The following SOX5 variants were observed in gnomAD, a reference collection of about 807,000 sequenced individuals.
The protein encoded by SOX5 is transcription factor SOX-5.
SOX5 carries 9 observed loss-of-function variants against 92.0 expected under a neutral mutation model. The observed-to-expected ratio is 0.10, with a 90% CI of 0.06 to 0.17. SOX5 has a LOEUF of 0.17. Ranked by LOEUF, SOX5 falls within the 10% of genes least tolerant of loss-of-function variation. The pLI is 1.00. For missense variants in SOX5, 642 were observed against 944.5 expected (o/e 0.68, Z 4.20); for synonymous variants, 344 against 336.3 (o/e 1.02, Z -0.25).
chr12:24,527,843 T>G (rs1371717922), intron 1 of SOX5, among the ~76,000 whole-genome samples: 1 of 152,218 alleles, frequency 6.6e-6, no homozygotes, highest in Non-Finnish European at 1.5e-5. Context: ...CAAAAACACT[T>G]TTTTCTTTAA....
chr12:23,918,921 AAAAGAAAAAAAAAG>A lies in SOX5; in HGVS notation c.39-22911_39-22898del, dbSNP rs1375695945. On this transcript the variant is annotated intron_variant, in intron 1 of 14. Transcript: ENST00000451604. ...AACATAGCAAGACTCCATTTCAAAA[AAAAGAAAAAAAAAG>A]AAAGAAAGAAAAATGGCCCCCAATT... 1.5e-4 allele frequency among the ~76,000 whole-genome samples: 23 copies of A among 150,622 alleles called. 1 individual carries two copies. In the South Asian group the frequency reaches 4.4e-3, roughly 28 times the overall value.
intron 6 of SOX5, among the ~76,000 whole-genome samples, chr12:23,667,570 G>A (rs2084019897): frequency 6.6e-6 from 1 of 152,122 alleles, no homozygotes; most frequent in African/African-American, 2.4e-5. Context: ...ACATGCTAAT[G>A]AGGAAATAAG....
intron 4 of SOX5, among the ~76,000 whole-genome samples, chr12:23,964,249 G>A (rs192477445): frequency 3.9e-5 from 6 of 151,990 alleles, no homozygotes; most frequent in East Asian, 3.9e-4. Flanking sequence ...AAAATGCCTC[G>A]TTGTAATTAT....
chr12:24,066,956 G>T (rs1312680648), intron 4 of SOX5, among the ~76,000 whole-genome samples: 1 of 152,156 alleles, frequency 6.6e-6, no homozygotes, highest in Non-Finnish European at 1.5e-5. Flanking sequence ...AAGGAAAAGA[G>T]TCACTTTCTG....
At chr12:24,341,306 G>A (rs927112199) in intron 2 of SOX5, among the ~76,000 whole-genome samples, 3 of 152,094 alleles carry the variant, frequency 2.0e-5, no homozygotes, top group Non-Finnish European at 4.4e-5. Context: ...GGGAGACCCT[G>A]TCTCTATAAA....
At chr12:24,292,091 G>A (rs1341651684) in intron 2 of SOX5, among the ~76,000 whole-genome samples, 3 of 152,206 alleles carry the variant, frequency 2.0e-5, no homozygotes. Flanking sequence ...AGTAAGGACT[G>A]GAACTAAGGA....
rs11047247 is a variant in SOX5 at position 24,075,659 on chromosome 12, A to T, written c.-2+137684T>A. ...AACATGTTTGAACCATTTTTTTTTT[A>T]AAAAAGACATGATTGAAATAAGCAA... On this transcript the variant is annotated intron_variant, in intron 4 of 4. Coordinates refer to the SOX5 transcript ENST00000446891. Among the ~76,000 whole-genome samples, 1,373 of 151,578 alleles carry T rather than the reference A, an allele frequency of 9.1e-3. 11 individuals are homozygous for T. Among genetic ancestry groups the T allele is most frequent in the South Asian group, 0.022 (104 of 4,808 alleles).
rs572928758 is a variant in SOX5 at position 24,032,078 on chromosome 12, T to C, written c.-1-136054A>G. 4.6e-5 allele frequency among the ~76,000 whole-genome samples: 7 copies of C among 151,910 alleles called. 1 individual carries two copies. The highest frequency in any genetic ancestry group is 1.7e-4 in the African/African-American group (7 of 41,480). On this transcript the variant is annotated intron_variant, in intron 4 of 4. Transcript: ENST00000446891. ...TAATTAGAATGGGGAAGAGGAGAAC[T>C]AAACAAAAACTCAACATTTAAATAG...
chr12:24,106,825 AATAATAATAATAAT>A (rs1432017227), intron 4 of SOX5, among the ~76,000 whole-genome samples: 28 of 145,620 alleles, frequency 1.9e-4, no homozygotes, highest in Admixed American at 1.9e-3. Context: ...TAATAATAAT[AATAATAATAATAAT>A]AAATAGAAGC....
chr12:24,447,012 T>C (rs1566186155), intron 1 of SOX5, among the ~76,000 whole-genome samples: 1 of 152,198 alleles, frequency 6.6e-6, no homozygotes, highest in African/African-American at 2.4e-5. Context: ...CATGAGTCCA[T>C]ATTGATAGAA....
intron 4 of SOX5, among the ~76,000 whole-genome samples, chr12:24,055,853 A>G (rs1291484281): frequency 2.6e-5 from 4 of 152,244 alleles, no homozygotes; most frequent in African/African-American, 9.6e-5. Context: ...AAACCATCTT[A>G]GTAAATGTCA....
chr12:23,562,222 C>T (rs947209454), intron 11 of SOX5, among the ~76,000 whole-genome samples: 2 of 152,140 alleles, frequency 1.3e-5, no homozygotes, highest in Non-Finnish European at 2.9e-5. Flanking sequence ...CCCCTGGACA[C>T]ACGATAGAAT....
intron 4 of SOX5, among the ~76,000 whole-genome samples, chr12:24,191,318 G>A (rs1011393940): frequency 6.6e-6 from 1 of 152,194 alleles, no homozygotes; most frequent in Non-Finnish European, 1.5e-5. Context: ...TCCTGAGTCA[G>A]CAGTTAGTTT....
At chr12:24,330,283 G>A (rs112126337) in intron 2 of SOX5, among the ~76,000 whole-genome samples, 3 of 152,242 alleles carry the variant, frequency 2.0e-5, no homozygotes, top group African/African-American at 7.2e-5. Flanking sequence ...ACTTAGGTTG[G>A]CTTAAGAAAC....
chr12:24,014,368 T>C (rs16926964), intron 4 of SOX5, among the ~76,000 whole-genome samples: 15,538 of 152,196 alleles, frequency 0.1, 1,267 homozygotes, highest in African/African-American at 0.21. Flanking sequence ...TCAGAGGCTG[T>C]GGGTTTAGCC....
chr12:24,051,585 G>A (rs148471602), intron 4 of SOX5, among the ~76,000 whole-genome samples: 1 of 152,076 alleles, frequency 6.6e-6, no homozygotes, highest in Non-Finnish European at 1.5e-5. Flanking sequence ...TAAGATTGTA[G>A]ACTAACAGAA....
intron 4 of SOX5, among the ~76,000 whole-genome samples, chr12:24,197,211 A>T (rs1259681976): frequency 1.3e-5 from 2 of 152,162 alleles, no homozygotes; most frequent in African/African-American, 2.4e-5. Flanking sequence ...TTCCAGATCA[A>T]TTTAATAGCC....
At chr12:24,321,905 G>C (rs1323720306) in intron 2 of SOX5, among the ~76,000 whole-genome samples, 1 of 152,078 alleles carries the variant, frequency 6.6e-6, no homozygotes, top group Admixed American at 6.6e-5. Context: ...ATCCAAACTG[G>C]AAGTCTCAAT....
chr12:24,095,122 C>CAGAGAGAGAGAGAGAGAGAGAGAG (rs1375437943), intron 4 of SOX5, among the ~76,000 whole-genome samples: 3 of 93,980 alleles, frequency 3.2e-5, no homozygotes, highest in Admixed American at 1.1e-4. Context: ...CACACACACA[C>CAGAGAGAGAGAGAGAGAGAGAGAG]ACACACAGAG....
Sources: allele counts gnomAD v4.1 joint callset (sites outside exome capture counted in the v4.1 genomes callset), GRCh38; gene constraint gnomAD v4.1.1; transcripts MANE v1.5; gene names NCBI Gene and HGNC (gene_info 2026-07-23, HGNC 2026-07-21).